Variants in CYTH3 observed in about 807,000 individuals in gnomAD.
CYTH3 encodes cytohesin-3.
A neutral mutation model predicts 55.1 loss-of-function variants in CYTH3; 23 were observed. That is an observed-to-expected ratio of 0.42 (90% CI 0.30 to 0.59). The LOEUF is 0.59. CYTH3 is among the 20% of genes least tolerant of loss of function. The probability of loss-of-function intolerance (pLI) is 0.20; values close to 1 mark genes in which losing one functional copy is unlikely to be tolerated. For synonymous variants in CYTH3, 249 were observed against 194.9 expected, an observed-to-expected ratio of 1.28 and a Z score of -2.31; for missense variants, 413 against 524.8, an observed-to-expected ratio of 0.79 and a Z score of 2.08.
At chr7:6,172,628 G>A in intron 6 of CYTH3, 1 of 866,480 alleles carries the variant, frequency 1.2e-6, no homozygotes, top group Non-Finnish European at 1.4e-6. Flanking sequence ...CCACGGCTGT[G>A]GGAATTAATA....
chr7:6,228,956 G>A (rs903354542), intron 1 of CYTH3, among the ~76,000 whole-genome samples: 2 of 152,152 alleles, frequency 1.3e-5, no homozygotes, highest in Admixed American at 6.5e-5. Context: ...CGCTGTCCGA[G>A]CCCCTTTATT....
At chr7:6,246,635 A>C (rs1338057306) in intron 1 of CYTH3, among the ~76,000 whole-genome samples, 1 of 152,186 alleles carries the variant, frequency 6.6e-6, no homozygotes, top group African/African-American at 2.4e-5. Context: ...ACAGTAAAAA[A>C]TAAAGGCTGG....
chr7:6,250,700 T>A (rs1375662170), intron 1 of CYTH3, among the ~76,000 whole-genome samples: 2 of 152,148 alleles, frequency 1.3e-5, no homozygotes, highest in Non-Finnish European at 2.9e-5. Context: ...TGACAGCTAA[T>A]GGGGCCCAGG....
chr7:6,190,427 G>GTTT, intron 2 of CYTH3, 22 bp downstream of exon 2: 1 of 1,247,496 alleles, frequency 8.0e-7, no homozygotes, highest in Non-Finnish European at 1.0e-6. Context: ...TTGGATTTTT[G>GTTT]GTTTTTTTTT....
At chr7:6,165,464 G>A (rs1289404809) in intron 11 of CYTH3, 37 bp from the exon 12 acceptor site, 8 of 1,609,126 alleles carry the variant, frequency 5.0e-6, no homozygotes, top group Non-Finnish European at 6.8e-6. Context: ...GGTCAGGGGG[G>A]CTTGGGGCAG....
At chr7:6,268,688 C>T (rs373271352) in intron 1 of CYTH3, among the ~76,000 whole-genome samples, 2 of 152,114 alleles carry the variant, frequency 1.3e-5, no homozygotes, top group Admixed American at 6.6e-5. Context: ...ATTCCTAGAA[C>T]TGGATTGCTG....
chr7:6,228,776 AT>A (rs1379094336), intron 1 of CYTH3, among the ~76,000 whole-genome samples: 1 of 152,210 alleles, frequency 6.6e-6, no homozygotes, highest in African/African-American at 2.4e-5. Context: ...GTTTTTAAGA[AT>A]GTAAAAATCC....
At chr7:6,193,326 A>C (rs1235677412) in intron 1 of CYTH3, among the ~76,000 whole-genome samples, 1 of 151,336 alleles carries the variant, frequency 6.6e-6, no homozygotes, top group Non-Finnish European at 1.5e-5. Context: ...GCACTGAGCC[A>C]AGATCGTGCC....
chr7:6,169,816 T>C lies in CYTH3; in HGVS notation c.823+719A>G, dbSNP rs1051859125. ...GGACAGGGCTGGCTGTCTGCTTCTCTACTGCTGCGGACCCCTAGAGACACA... is the reference window on the plus strand; with the variant it reads ...GGACAGGGCTGGCTGTCTGCTTCTCCACTGCTGCGGACCCCTAGAGACACA... On this transcript the variant is annotated intron_variant, in intron 9 of 12. Coordinates refer to ENST00000350796, the MANE Select transcript of CYTH3 (RefSeq NM_004227.4). This position sits in a 1 kb window ranked among gnomAD's most constrained non-coding sequence, Gnocchi z 4.1. Among the ~76,000 whole-genome samples, 2 of 152,130 alleles carry C rather than the reference T, an allele frequency of 1.3e-5. No homozygotes were observed. The highest frequency in any genetic ancestry group is 4.8e-5 in the African/African-American group (2 of 41,428).
At chr7:6,165,658 C>G (rs369718141) in intron 10 of CYTH3, 42 bp from the exon 11 acceptor site, 2 of 1,613,068 alleles carry the variant, frequency 1.2e-6, no homozygotes, top group Non-Finnish European at 1.7e-6. Context: ...TGTGGGTCAC[C>G]AGCCTGAGGG....
At chr7:6,262,842 C>T (rs1335236176) in intron 1 of CYTH3, among the ~76,000 whole-genome samples, 2 of 152,114 alleles carry the variant, frequency 1.3e-5, no homozygotes, top group African/African-American at 4.8e-5. Context: ...CTGCTTGAGC[C>T]CAGGAGTTCA....
At chr7:6,259,772 T>TTATATATATATTATA (rs1780258202) in intron 1 of CYTH3, among the ~76,000 whole-genome samples, 1 of 30,496 alleles carries the variant, frequency 3.3e-5, no homozygotes, top group African/African-American at 3.1e-4. Context: ...TATATATATA[T>TTATATATATATTATA]TATATATATA....
chr7:6,193,321 G>A (rs1343943958), intron 1 of CYTH3, among the ~76,000 whole-genome samples: 1 of 150,652 alleles, frequency 6.6e-6, no homozygotes, highest in African/African-American at 2.5e-5. Flanking sequence ...AGGTTGCACT[G>A]AGCCAAGATC....
chr7:6,226,135 T>A (rs1779244787), intron 1 of CYTH3, among the ~76,000 whole-genome samples: 1 of 152,084 alleles, frequency 6.6e-6, no homozygotes, highest in Admixed American at 6.6e-5. Context: ...TTAAAAAAAT[T>A]AAAAATAAAA....
chr7:6,249,456 C>A (rs1184650832), intron 1 of CYTH3, among the ~76,000 whole-genome samples: 1 of 152,160 alleles, frequency 6.6e-6, no homozygotes, highest in Non-Finnish European at 1.5e-5. Context: ...GTGTAGAAAA[C>A]CCTCCCAGCA....
intron 1 of CYTH3, among the ~76,000 whole-genome samples, chr7:6,191,648 T>C (rs1430367461): frequency 6.8e-6 from 1 of 146,138 alleles, no homozygotes; most frequent in Non-Finnish European, 1.5e-5. Flanking sequence ...CTGGCTGGAG[T>C]GCAGTGGCAC....
intron 1 of CYTH3, among the ~76,000 whole-genome samples, chr7:6,264,178 C>T (rs34073302): frequency 0.048 from 7,329 of 151,276 alleles, 268 homozygotes; most frequent in Middle Eastern, 0.076. Flanking sequence ...ATCCAGGAAG[C>T]GGAGGTTGCA....
chr7:6,208,474 G>A (rs1583164755), intron 1 of CYTH3, among the ~76,000 whole-genome samples: 1 of 152,216 alleles, frequency 6.6e-6, no homozygotes, highest in Non-Finnish European at 1.5e-5. Context: ...TAAGGGCCAA[G>A]GACATAGCCA....
chr7:6,203,304 T>A (rs1784102274), intron 1 of CYTH3, among the ~76,000 whole-genome samples: 1 of 152,172 alleles, frequency 6.6e-6, no homozygotes. Context: ...CATTTTAACA[T>A]ATTTGAAGTG....
Sources: allele counts gnomAD v4.1 joint callset (sites outside exome capture counted in the v4.1 genomes callset), GRCh38; gene constraint gnomAD v4.1.1; non-coding constraint Gnocchi (gnomAD v3.1); transcripts MANE v1.5; gene names NCBI Gene and HGNC (gene_info 2026-07-23, HGNC 2026-07-21).